PPARGC1A: variants seen among roughly 807,000 people sequenced by gnomAD.
PPARGC1A encodes PPARG coactivator 1 alpha.
PPARGC1A carries 25 observed loss-of-function variants against 88.7 expected under a neutral mutation model. The observed-to-expected ratio is 0.28, with a 90% confidence interval of 0.21 to 0.39. The LOEUF is 0.39. Ranked by LOEUF, PPARGC1A falls within the 10% of genes least tolerant of loss-of-function variation. The probability of loss-of-function intolerance (pLI) is 1.00; values close to 1 mark genes in which losing one functional copy is unlikely to be tolerated. For missense variants in PPARGC1A, 880 were observed against 968.7 expected, an observed-to-expected ratio of 0.91 and a Z score of 1.22; for synonymous variants, 363 against 355.6, an observed-to-expected ratio of 1.02 and a Z score of -0.24.
the PPARGC1A span, among the ~76,000 whole-genome samples, chr4:24,143,652 A>G: frequency 6.6e-6 from 1 of 152,268 alleles, no homozygotes; most frequent in Non-Finnish European, 1.5e-5. Context: ...TGATAGATAG[A>G]CAAATGTGTA....
the PPARGC1A span, among the ~76,000 whole-genome samples, chr4:24,300,536 C>G: frequency 1.3e-5 from 2 of 151,734 alleles, no homozygotes; most frequent in Non-Finnish European, 2.9e-5. Context: ...CTTAGATAAA[C>G]TTTTTCACCT....
chr4:24,387,912 AAG>A, the PPARGC1A span, among the ~76,000 whole-genome samples: 4 of 11,866 alleles, frequency 3.4e-4, 1 homozygote, highest in Non-Finnish European at 5.9e-3. Context: ...AAGAGAAAGA[AAG>A]AAAGAAAGAA....
the PPARGC1A span, among the ~76,000 whole-genome samples, chr4:24,231,870 C>T: frequency 1.3e-5 from 2 of 151,984 alleles, no homozygotes; most frequent in African/African-American, 2.4e-5. Flanking sequence ...AGATAGTAAC[C>T]TATTTATTTT....
the PPARGC1A span, among the ~76,000 whole-genome samples, chr4:24,269,224 T>G: frequency 6.6e-6 from 1 of 152,214 alleles, no homozygotes; most frequent in Non-Finnish European, 1.5e-5. Flanking sequence ...ACATAATGAA[T>G]TTAATGAATT....
the PPARGC1A span, among the ~76,000 whole-genome samples, chr4:24,244,215 G>A: frequency 6.6e-6 from 1 of 152,062 alleles, no homozygotes; most frequent in South Asian, 2.1e-4. Context: ...AGAAGTACAG[G>A]GAAAGAAAAG....
the PPARGC1A span, among the ~76,000 whole-genome samples, chr4:24,148,177 A>C: frequency 6.6e-6 from 1 of 152,172 alleles, no homozygotes; most frequent in African/African-American, 2.4e-5. Context: ...CATTACTTTA[A>C]CTAGACCATG....
At chr4:24,140,708 A>C in the PPARGC1A span, among the ~76,000 whole-genome samples, 2 of 152,278 alleles carry the variant, frequency 1.3e-5, no homozygotes, top group East Asian at 3.9e-4. Context: ...TGAGAGAAAC[A>C]TGACTCAGGA....
At chr4:24,092,914 CATA>C in the PPARGC1A span, among the ~76,000 whole-genome samples, 72 of 152,222 alleles carry the variant, frequency 4.7e-4, no homozygotes, top group Non-Finnish European at 6.9e-4. Flanking sequence ...CAGAAGCGAT[CATA>C]ATATTCTTGC....
chr4:23,865,626 C>T (rs1445451313), intron 2 of PPARGC1A, among the ~76,000 whole-genome samples: 1 of 152,160 alleles, frequency 6.6e-6, no homozygotes. Context: ...TGACAAGTCT[C>T]CTTGAGGACT....
the PPARGC1A span, among the ~76,000 whole-genome samples, chr4:23,919,240 T>C: frequency 1.3e-5 from 2 of 152,176 alleles, no homozygotes; most frequent in Non-Finnish European, 2.9e-5. Flanking sequence ...AGGATAATGT[T>C]TATACTAGTC....
the PPARGC1A span, among the ~76,000 whole-genome samples, chr4:24,223,824 A>G: frequency 1.3e-5 from 2 of 152,246 alleles, no homozygotes; most frequent in Non-Finnish European, 2.9e-5. Context: ...GACAATATAG[A>G]CAAATTCAGT....
the PPARGC1A span, among the ~76,000 whole-genome samples, chr4:24,185,930 G>A: frequency 6.6e-6 from 1 of 151,724 alleles, no homozygotes; most frequent in Non-Finnish European, 1.5e-5. Flanking sequence ...AGCATTATAT[G>A]TATGAAGAAT....
the PPARGC1A span, among the ~76,000 whole-genome samples, chr4:24,109,696 T>G: frequency 2.0e-5 from 3 of 152,148 alleles, no homozygotes; most frequent in Non-Finnish European, 4.4e-5. Context: ...ACCTTGAAAA[T>G]AGATCCTGAG....
chr4:24,450,424 A>G, the PPARGC1A span, among the ~76,000 whole-genome samples: 23 of 152,360 alleles, frequency 1.5e-4, 2 homozygotes, highest in South Asian at 4.8e-3. Flanking sequence ...AGCTGACTGC[A>G]AGACACAAGA....
chr4:24,245,023 A>C, the PPARGC1A span, among the ~76,000 whole-genome samples: 1 of 152,208 alleles, frequency 6.6e-6, no homozygotes, highest in African/African-American at 2.4e-5. Context: ...GGAAGAAGAA[A>C]AAGAAAAAAA....
intron 1 of PPARGC1A, among the ~76,000 whole-genome samples, chr4:23,885,260 G>T (rs1410658041): frequency 1.3e-5 from 2 of 152,150 alleles, no homozygotes; most frequent in African/African-American, 2.4e-5. Context: ...ATACCTGTTT[G>T]ATAGTTACTG....
the PPARGC1A span, among the ~76,000 whole-genome samples, chr4:24,251,046 A>G: frequency 6.6e-6 from 1 of 152,236 alleles, no homozygotes; most frequent in Admixed American, 6.5e-5. Context: ...TTTATTTTAA[A>G]TCAAGTTACT....
At chr4:24,283,763 G>C in the PPARGC1A span, among the ~76,000 whole-genome samples, 2 of 151,980 alleles carry the variant, frequency 1.3e-5, no homozygotes, top group Non-Finnish European at 2.9e-5. Context: ...TGTGACCTTG[G>C]GCAAGTCATT....
the PPARGC1A span, among the ~76,000 whole-genome samples, chr4:24,465,784 T>G: frequency 6.6e-6 from 1 of 152,206 alleles, no homozygotes; most frequent in South Asian, 2.1e-4. Context: ...TAGTTCATGA[T>G]GGACATAAAT....
Sources: gnomAD v4.1 joint callset for allele counts (sites outside exome capture counted in the v4.1 genomes callset) on GRCh38, gnomAD v4.1.1 for gene constraint, MANE v1.5 for transcripts, NCBI Gene and HGNC (gene_info 2026-07-23, HGNC 2026-07-21) for gene names.